TAFA5: variants seen among roughly 807,000 people sequenced by gnomAD.
The protein encoded by TAFA5 is TAFA chemokine like family member 5.
Under a neutral mutation model 15.3 loss-of-function variants are expected in TAFA5, and 6 were observed. That is an observed-to-expected ratio of 0.39 (90% confidence interval 0.21 to 0.77). The LOEUF is 0.77. Ranked by LOEUF, TAFA5 falls within the 30% of genes least tolerant of loss-of-function variation. The pLI is 0.41. For synonymous variants in TAFA5, 103 were observed against 80.7 expected (o/e 1.28, Z -1.48); for missense variants, 161 against 193.1 (o/e 0.83, Z 0.98).
intron 3 of TAFA5, among the ~76,000 whole-genome samples, chr22:48,743,676 C>T (rs181982868): frequency 2.3e-4 from 35 of 152,308 alleles, no homozygotes; most frequent in African/African-American, 7.7e-4. Flanking sequence ...AGCTGGGCCC[C>T]GCCGTGGGCA....
At chr22:48,548,983 GAGA>G (rs1444529465) in intron 1 of TAFA5, among the ~76,000 whole-genome samples, 3 of 152,258 alleles carry the variant, frequency 2.0e-5, no homozygotes, top group Non-Finnish European at 2.9e-5. Context: ...TTTGGCCAAA[GAGA>G]AGTTCTTTAT....
intron 3 of TAFA5, among the ~76,000 whole-genome samples, chr22:48,728,532 G>A (rs768676216): frequency 2.6e-5 from 4 of 152,200 alleles, no homozygotes; most frequent in Non-Finnish European, 4.4e-5. Context: ...ATATTAAAGT[G>A]ATTTGAGCAG....
intron 1 of TAFA5, among the ~76,000 whole-genome samples, chr22:48,637,530 G>A (rs552465950): frequency 1.6e-4 from 25 of 152,292 alleles, no homozygotes; most frequent in South Asian, 6.2e-4. Context: ...ATTGATGTGC[G>A]GAGCCAGCGT....
At chr22:48,583,855 A>G (rs1924207946) in intron 1 of TAFA5, among the ~76,000 whole-genome samples, 2 of 134,826 alleles carry the variant, frequency 1.5e-5, no homozygotes, top group South Asian at 2.5e-4. Flanking sequence ...CACAAAAAAT[A>G]CACCACACAC....
chr22:48,641,443 G>T lies in TAFA5; in HGVS notation c.113-5154G>T, dbSNP rs151216431. Reference sequence around the variant, plus strand: ...TCTCTCTCTCTGACTTCCGATTTTTGCCACACGATGATGTCACTGCCTTTC... The same window carrying T: ...TCTCTCTCTCTGACTTCCGATTTTTTCCACACGATGATGTCACTGCCTTTC... On this transcript the variant is annotated intron_variant, in intron 1 of 3. Transcript: ENST00000402357. Among the ~76,000 whole-genome samples the T allele has an allele frequency of 2.1e-3, 312 of 152,102 alleles. 7 individuals are homozygous for T. In the East Asian group the frequency reaches 0.052, roughly 25 times the overall value.
rs1400001061 is a variant in TAFA5, at chr22:48,591,283, C to T, written c.113-55314C>T. 5.3e-5 allele frequency among the ~76,000 whole-genome samples: 8 copies of T among 152,218 alleles called. No individual in the cohort carries two copies. In the East Asian group the frequency reaches 5.8e-4, roughly 11 times the overall value. ...TGAGCCAGGAAGAGGAGAAGCTTCC[C>T]GGTTCCTTAGTGAATCTTCTAGAAG... On this transcript the variant is annotated intron_variant, in intron 1 of 3. Transcript: ENST00000402357.
chr22:48,569,958 C>T (rs1923528873), intron 1 of TAFA5, among the ~76,000 whole-genome samples: 2 of 152,264 alleles, frequency 1.3e-5, no homozygotes, highest in South Asian at 2.1e-4. Context: ...GCCAGTGCCC[C>T]CGCACACATA....
chr22:48,646,148 G>C (rs1367005994), intron 1 of TAFA5, among the ~76,000 whole-genome samples: 2 of 152,028 alleles, frequency 1.3e-5, no homozygotes, highest in African/African-American at 4.8e-5. Flanking sequence ...CCTATTTTCC[G>C]GCTCCAAAGT....
intron 1 of TAFA5, among the ~76,000 whole-genome samples, chr22:48,607,879 C>G (rs73889156): frequency 4.6e-5 from 7 of 151,998 alleles, no homozygotes; most frequent in Non-Finnish European, 1.0e-4. Flanking sequence ...TTCTGACCAC[C>G]CTGGGGGTCC....
At chr22:48,665,352 A>G (rs1927575473) in intron 2 of TAFA5, among the ~76,000 whole-genome samples, 1 of 152,114 alleles carries the variant, frequency 6.6e-6, no homozygotes, top group African/African-American at 2.4e-5. Flanking sequence ...TATTTGCTTA[A>G]TGGTACATTT....
At chr22:48,576,274 TC>T (rs1324453852) in intron 1 of TAFA5, 13 of 416,254 alleles carry the variant, frequency 3.1e-5, no homozygotes, top group Admixed American at 6.4e-5. Flanking sequence ...GGCGCCCCCC[TC>T]CCCCCGCCCG....
intron 3 of TAFA5, among the ~76,000 whole-genome samples, chr22:48,711,864 G>A (rs897283391): frequency 8.5e-5 from 13 of 152,180 alleles, no homozygotes; most frequent in South Asian, 8.3e-4. Flanking sequence ...ACCCCTTCCG[G>A]TGTGGGCCGT....
At chr22:48,727,656 G>GACTATC (rs1929751598) in intron 3 of TAFA5, among the ~76,000 whole-genome samples, 1 of 152,156 alleles carries the variant, frequency 6.6e-6, no homozygotes. Flanking sequence ...AAAAAGCAAA[G>GACTATC]ACTATCAAAT....
At chr22:48,749,178 C>A (rs36041107) in intron 3 of TAFA5, among the ~76,000 whole-genome samples, 34,064 of 152,128 alleles carry the variant, frequency 0.22, 4,214 homozygotes, top group African/African-American at 0.32. Context: ...CACCAGAAAC[C>A]CCTAGGGGGC....
chr22:48,602,296 C>G (rs906134932), intron 1 of TAFA5, among the ~76,000 whole-genome samples: 1 of 152,334 alleles, frequency 6.6e-6, no homozygotes, highest in Non-Finnish European at 1.5e-5. Flanking sequence ...CGGGGCCACC[C>G]CCCCACAAGC....
intron 3 of TAFA5, among the ~76,000 whole-genome samples, chr22:48,711,508 T>C (rs917525430): frequency 2.6e-5 from 4 of 152,082 alleles, no homozygotes; most frequent in African/African-American, 9.7e-5. Context: ...TGGTGACCTG[T>C]GTTCAAAGCT....
chr22:48,552,793 G>A lies in TAFA5; in HGVS notation c.112+63089G>A, dbSNP rs1267090442. On this transcript the variant is annotated intron_variant, in intron 1 of 3. Coordinates refer to ENST00000402357, the MANE Select transcript of TAFA5 (RefSeq NM_001082967.3). The surrounding 1 kb of genome is among the most constrained non-coding windows in gnomAD (Gnocchi z 4.1). ...GGCCAGGCTCCCAGGGAAGAGGAGG[G>A]GCAGCTGGGATTGCACCTATATGGG... Among the ~76,000 whole-genome samples the A allele has an allele frequency of 6.6e-6, 1 of 152,102 alleles. No individual in the cohort carries two copies. The highest frequency in any genetic ancestry group is 1.5e-5 in the Non-Finnish European group (1 of 67,998).
At chr22:48,567,831 G>A (rs2147136264) in intron 1 of TAFA5, among the ~76,000 whole-genome samples, 1 of 152,332 alleles carries the variant, frequency 6.6e-6, no homozygotes. Context: ...AGGTCTCACA[G>A]GATGATGGTC....
intron 3 of TAFA5, among the ~76,000 whole-genome samples, chr22:48,711,842 C>T (rs888331075): frequency 7.2e-5 from 11 of 152,318 alleles, no homozygotes; most frequent in East Asian, 1.9e-4. Flanking sequence ...GCCGATCCCC[C>T]GTCACTCCTC....
Sources: allele counts gnomAD v4.1 joint callset (sites outside exome capture counted in the v4.1 genomes callset), GRCh38; gene constraint gnomAD v4.1.1; non-coding constraint Gnocchi (gnomAD v3.1); transcripts MANE v1.5; gene names NCBI Gene and HGNC (gene_info 2026-07-23, HGNC 2026-07-21).